The following IL18RAP variants were observed in gnomAD, a reference collection of about 807,000 sequenced individuals.
IL18RAP encodes the protein interleukin 18 receptor accessory protein.
Under a neutral mutation model 58.1 loss-of-function variants are expected in IL18RAP, and 37 were observed. The observed-to-expected ratio is 0.64, with a 90% CI of 0.49 to 0.84. IL18RAP has a LOEUF of 0.84. Ranked by LOEUF, IL18RAP falls within the 40% of genes least tolerant of loss-of-function variation. The probability of loss-of-function intolerance (pLI) is 0.00; values close to 1 mark genes in which losing one functional copy is unlikely to be tolerated. For synonymous variants in IL18RAP, 268 were observed against 257.5 expected, an observed-to-expected ratio of 1.04 and a Z score of -0.39; for missense variants, 667 against 704.8, an observed-to-expected ratio of 0.95 and a Z score of 0.61.
chr2:102,429,363 T>A (rs770542868), intron 3 of IL18RAP, among the ~76,000 whole-genome samples: 2 of 152,006 alleles, frequency 1.3e-5, no homozygotes, highest in Admixed American at 6.5e-5. Flanking sequence ...GGCATATAAT[T>A]GTTCGTAGTA....
intron 4 of IL18RAP, chr2:102,440,504 G>A (rs1308087258): frequency 1.3e-5 from 2 of 152,284 alleles, no homozygotes; most frequent in Admixed American, 6.5e-5. Context: ...TGCCTTTCAA[G>A]AATTTGGCTG....
At chr2:102,451,716 C>T (rs1023838885) in intron 9 of IL18RAP, 50 bp from the exon 10 acceptor site, 1 of 1,494,660 alleles carries the variant, frequency 6.7e-7, no homozygotes, top group African/African-American at 1.4e-5. Flanking sequence ...ACCTCTCTGA[C>T]TCAAGGTTTA....
At chr2:102,432,083 A>C (rs2104325100) in intron 3 of IL18RAP, among the ~76,000 whole-genome samples, 1 of 152,236 alleles carries the variant, frequency 6.6e-6, no homozygotes, top group African/African-American at 2.4e-5. Flanking sequence ...TGGTGGTAGC[A>C]GACCTTCACT....
intron 3 of IL18RAP, among the ~76,000 whole-genome samples, chr2:102,431,728 T>C (rs984090142): frequency 3.9e-5 from 6 of 152,148 alleles, no homozygotes; most frequent in African/African-American, 1.4e-4. Flanking sequence ...AGGATTTCTT[T>C]ATTTTTCAAA....
At chr2:102,435,316 A>G (rs1204897623) in intron 3 of IL18RAP, 1 of 152,262 alleles carries the variant, frequency 6.6e-6, no homozygotes, top group African/African-American at 2.4e-5. Context: ...AAGTGGAAAC[A>G]GAAAGAAGGT....
intron 3 of IL18RAP, chr2:102,434,981 T>C (rs549192246): frequency 2.6e-5 from 4 of 151,346 alleles, no homozygotes; most frequent in South Asian, 4.2e-4. Flanking sequence ...ATTTCCATAA[T>C]ATACTCCATT....
At chr2:102,421,717 G>A (rs958728973), upstream of IL18RAP, among the ~76,000 whole-genome samples, 10 of 152,152 alleles carry the variant, frequency 6.6e-5, no homozygotes, top group African/African-American at 2.4e-4. Context: ...AACACGCCTT[G>A]CTCTCAGCAG....
In IL18RAP at chr2:102,441,303, A is replaced by G. The variant is rs761776509; in HGVS notation, c.731-9A>G. ...AATGCAAATAGTAATCTTTGTTTTC[A>G]TCTTTCAGTGGGAGACACTAAACTC... On this transcript the variant is annotated splice_polypyrimidine_tract_variant and intron_variant, in intron 4 of 9. Coordinates refer to ENST00000687160, the MANE Select transcript of IL18RAP (RefSeq NM_001393487.1). 3.1e-6 allele frequency: 5 copies of G among 1,610,984 alleles called. No homozygotes were observed. The highest frequency in any genetic ancestry group is 3.4e-6 in the Non-Finnish European group (4 of 1,177,440).
At chr2:102,431,953 C>T (rs1174070418) in intron 3 of IL18RAP, among the ~76,000 whole-genome samples, 1 of 151,910 alleles carries the variant, frequency 6.6e-6, no homozygotes, top group Non-Finnish European at 1.5e-5. Flanking sequence ...ATTATGATAG[C>T]TTTCTTAGTT....
rs1414253327 is a variant in IL18RAP, at chr2:102,438,122, T to C, written c.730+760T>C. On this transcript the variant is annotated intron_variant, in intron 4 of 9. Coordinates refer to ENST00000687160, the MANE Select transcript of IL18RAP (RefSeq NM_001393487.1). ...AGGTTGAACATTTTGCTATATGTTT[T>C]TTGGTTCATTGGCTTTCTTCCGCAA... Among the ~76,000 whole-genome samples, 3 of 152,224 alleles carry C rather than the reference T, an allele frequency of 2.0e-5. No homozygotes were observed. In the East Asian group the frequency reaches 5.8e-4, roughly 29 times the overall value.
Position 102,445,301 on chromosome 2 carries a change from A to C in IL18RAP, c.1033A>C (p.Asn345His), listed in dbSNP as rs781389246. The change falls in exon 7 of 10, where the codon AAC becomes CAC. Residue 345 changes from asparagine to histidine, a missense_variant. Coordinates refer to ENST00000687160, the MANE Select transcript of IL18RAP (RefSeq NM_001393487.1). The stretch of plus-strand genomic sequence containing the variant: ...TTGCTTTGTCCAGAACTCCATTGGA[A>C]ACACAACCCAGTCCGTCCAACTGAA... ...FVCFVQNSIG[N>H]TTQSVQLKEK... 6.2e-7 allele frequency: 1 copy of C among 1,614,250 alleles called. No individual in the cohort carries two copies. The highest frequency in any genetic ancestry group is 1.1e-5 in the South Asian group (1 of 91,088).
chr2:102,430,318 G>T (rs897218535), intron 3 of IL18RAP, among the ~76,000 whole-genome samples: 13 of 151,736 alleles, frequency 8.6e-5, no homozygotes, highest in African/African-American at 3.1e-4. Flanking sequence ...GATCTTTCTT[G>T]TTTCTTTTTA....
At chr2:102,423,518 A>AGC (rs2104290036) in intron 1 of IL18RAP, among the ~76,000 whole-genome samples, 171 bp downstream of exon 1, 1 of 152,322 alleles carries the variant, frequency 6.6e-6, no homozygotes, top group African/African-American at 2.4e-5. Context: ...GCTGATACCA[A>AGC]GCATTGTCGA....
chr2:102,445,640 A>C (rs1032404873), intron 7 of IL18RAP, among the ~76,000 whole-genome samples: 1 of 152,224 alleles, frequency 6.6e-6, no homozygotes, highest in Non-Finnish European at 1.5e-5. Flanking sequence ...TACAATAGCT[A>C]TGGGGTATGC....
intron 9 of IL18RAP, among the ~76,000 whole-genome samples, chr2:102,451,240 CA>C (rs1683745612): frequency 6.6e-6 from 1 of 152,214 alleles, no homozygotes; most frequent in Non-Finnish European, 1.5e-5. Context: ...GGGCCCTAGG[CA>C]GTCCTTCTAG....
intron 5 of IL18RAP, among the ~76,000 whole-genome samples, chr2:102,442,716 G>A (rs1268143709): frequency 1.3e-5 from 2 of 151,686 alleles, no homozygotes; most frequent in East Asian, 3.9e-4. Flanking sequence ...ATAGTGAATT[G>A]TTCAGAAAAA....
chr2:102,452,196 C>G lies in IL18RAP; in HGVS notation c.*15C>G, dbSNP rs745633494. On this transcript the variant is annotated 3_prime_UTR_variant, in exon 10 of 10. Transcript: ENST00000687160. ...AGGAATGGTGAAATGAGCCCTGGAGCCCCCTCCAGTCCAGTCCCTGGGATA... is the reference window on the plus strand; with the variant it reads ...AGGAATGGTGAAATGAGCCCTGGAGGCCCCTCCAGTCCAGTCCCTGGGATA... 5 of 1,581,708 alleles carry G rather than the reference C, an allele frequency of 3.2e-6. No individual in the cohort carries two copies. The South Asian group carries it at 5.9e-5, about 19-fold the overall frequency.
Position 102,452,537 on chromosome 2 carries a change from C to A in IL18RAP, c.*356C>A, listed in dbSNP as rs1195400022. ...GTACATATGACTTTATGTATACTTG[C>A]AATCAAATAAATATTATTTTATTAG... On this transcript the variant is annotated 3_prime_UTR_variant, in exon 10 of 10. Coordinates refer to ENST00000687160, the MANE Select transcript of IL18RAP (RefSeq NM_001393487.1). The A allele has an allele frequency of 1.0e-5, 2 of 194,586 alleles. No individual in the cohort carries two copies. The highest frequency in any genetic ancestry group is 1.9e-4 in the South Asian group (1 of 5,222). The allele number at this position is 194,586 out of a possible 1,614,324, so 12.1% of individuals were successfully genotyped here.
intron 3 of IL18RAP, among the ~76,000 whole-genome samples, chr2:102,433,615 G>A (rs1682543713): frequency 1.3e-5 from 2 of 151,844 alleles, no homozygotes; most frequent in Non-Finnish European, 1.5e-5. Flanking sequence ...CTAGAGACTT[G>A]GCTCACTGCA....
Sources: allele counts gnomAD v4.1 joint callset (sites outside exome capture counted in the v4.1 genomes callset), GRCh38; gene constraint gnomAD v4.1.1; transcripts MANE v1.5; gene names NCBI Gene and HGNC (gene_info 2026-07-23, HGNC 2026-07-21).